Variants in ITGA11 observed in about 807,000 individuals in gnomAD.
ITGA11 encodes integrin alpha-11.
ITGA11 carries 97 observed loss-of-function variants against 141.9 expected under a neutral mutation model. That is an observed-to-expected ratio of 0.68 (90% CI 0.58 to 0.81). ITGA11 has a LOEUF of 0.81. Among genes scored for constraint, ITGA11 ranks in the 30% least tolerant of loss-of-function variants. ITGA11 has a pLI of 0.00. For synonymous variants in ITGA11, 658 were observed against 624.6 expected, an observed-to-expected ratio of 1.05 and a Z score of -0.80; for missense variants, 1,387 against 1,559.2, an observed-to-expected ratio of 0.89 and a Z score of 1.86.
chr15:68,396,299 A>T (rs1277541197), intron 2 of ITGA11, among the ~76,000 whole-genome samples: 3 of 152,146 alleles, frequency 2.0e-5, no homozygotes, highest in Non-Finnish European at 4.4e-5. Flanking sequence ...AACCATATTA[A>T]CAGAATGAAG....
chr15:68,405,262 A>G (rs1273734864), intron 1 of ITGA11, among the ~76,000 whole-genome samples: 3 of 146,550 alleles, frequency 2.0e-5, no homozygotes, highest in Non-Finnish European at 4.4e-5. Context: ...GGGACCTTCA[A>G]GTAGGGATAT....
chr15:68,365,022 C>T (rs1895374052), intron 3 of ITGA11: 1 of 572,454 alleles, frequency 1.7e-6, no homozygotes, highest in Non-Finnish European at 2.2e-6. Flanking sequence ...AAACAACCTG[C>T]CCAAGGTCAC....
chr15:68,358,577 T>A lies in ITGA11; in HGVS notation c.481A>T (p.Thr161Ser). The A allele has an allele frequency of 6.2e-7, 1 of 1,611,454 alleles. No individual in the cohort carries two copies. The highest frequency in any genetic ancestry group is 8.5e-7 in the Non-Finnish European group (1 of 1,179,124). ...AGGACAATGACGATGTCCATGTAGG[T>A]CTGGCACCCTGGAAAGTGGGGACAC... ...TVAPALQRCQ[T>S]YMDIVIVLDG... Residue 161 changes from threonine (T) to serine (S), a missense_variant, in exon 6 of 30, where the codon ACC (threonine) becomes TCC (serine). Transcript: ENST00000315757.
Position 68,301,045 on chromosome 15 carries a change from T to C in ITGA11, c.*2014A>G, listed in dbSNP as rs1032949916. 1 of 152,218 alleles carries C rather than the reference T, an allele frequency of 6.6e-6. No homozygotes were observed. The highest frequency in any genetic ancestry group is 2.4e-5 in the African/African-American group (1 of 41,454). 9.4% of individuals were successfully genotyped at this position (152,218 alleles called of 1,614,324 possible). A position where few individuals can be genotyped will look rare whatever the true frequency, so the allele number is the denominator to read the frequency against. On this transcript the variant is annotated 3_prime_UTR_variant, in exon 30 of 30. Coordinates refer to ENST00000315757, the MANE Select transcript of ITGA11 (RefSeq NM_001004439.2). The surrounding 1 kb of genome is among the most constrained non-coding windows in gnomAD (Gnocchi z 4.4). Reference sequence around the variant, plus strand: ...GGAAATGGAATATGATTTAGCAACATTTCCTTCTGATTCTATTAGAAGGCA... The same window carrying C: ...GGAAATGGAATATGATTTAGCAACACTTCCTTCTGATTCTATTAGAAGGCA...
At chr15:68,359,182 C>G (rs1450127501) in intron 5 of ITGA11, among the ~76,000 whole-genome samples, 1 of 152,190 alleles carries the variant, frequency 6.6e-6, no homozygotes, top group East Asian at 1.9e-4. Context: ...GGGCTGAGCA[C>G]AAAGCAAATG....
intron 7 of ITGA11, among the ~76,000 whole-genome samples, chr15:68,355,743 G>A (rs990305485): frequency 5.4e-5 from 8 of 148,864 alleles, no homozygotes; most frequent in African/African-American, 2.0e-4. Context: ...CACCGCACCT[G>A]GCCTAAATAG....
At chr15:68,370,754 C>A (rs1380583041) in intron 2 of ITGA11, among the ~76,000 whole-genome samples, 1 of 152,208 alleles carries the variant, frequency 6.6e-6, no homozygotes, top group East Asian at 1.9e-4. Context: ...ACAGGTTGGA[C>A]TTTCTGGAGC....
intron 5 of ITGA11, 142 bp from the exon 6 acceptor site, chr15:68,358,727 G>T: frequency 1.1e-6 from 1 of 932,658 alleles, no homozygotes. Context: ...TCCTTGGGTT[G>T]GACATTTATT....
rs1893852387 is a variant in ITGA11 at position 68,322,795 on chromosome 15, C to T, written c.2323-1292G>A. 6.6e-6 allele frequency among the ~76,000 whole-genome samples: 1 copy of T among 151,152 alleles called. No individual in the cohort carries two copies. Among genetic ancestry groups the T allele is most frequent in the Admixed American group, 6.6e-5 (1 of 15,148 alleles). On this transcript the variant is annotated intron_variant, in intron 18 of 29. Transcript: ENST00000315757. The surrounding 1 kb of genome is among the most constrained non-coding windows in gnomAD (Gnocchi z 5.6). Reference sequence around the variant, plus strand: ...AGAATTGCTTGAACTCAGGCAGAGGCTGCAGTGGGCCAAGATCGTGCCACT... The same window carrying T: ...AGAATTGCTTGAACTCAGGCAGAGGTTGCAGTGGGCCAAGATCGTGCCACT...
chr15:68,396,619 A>G (rs1024622893), intron 2 of ITGA11, among the ~76,000 whole-genome samples: 1 of 151,580 alleles, frequency 6.6e-6, no homozygotes, highest in East Asian at 1.9e-4. Flanking sequence ...TTGGAAAATA[A>G]TAAACAAAAC....
At chr15:68,310,964 A>G (rs745745998) in intron 26 of ITGA11, 30 bp downstream of exon 26, 59 of 1,551,980 alleles carry the variant, frequency 3.8e-5, no homozygotes, top group Non-Finnish European at 4.7e-5. Context: ...AACCCCAACC[A>G]CTGTGGCTCT....
chr15:68,335,882 T>A lies in ITGA11; in HGVS notation c.1277-37A>T, dbSNP rs563980492. The A allele has an allele frequency of 6.9e-6, 11 of 1,598,992 alleles. No homozygotes were observed. The Admixed American group carries it at 6.9e-5, about 10-fold the overall frequency. ...GGAAACAGGCTGATCTTTGGCACCG[T>A]GTCCTCAGCAGGCGTTGCTTGGCCC... On this transcript the variant is annotated intron_variant, in intron 11 of 29. Transcript: ENST00000315757. This position sits in a 1 kb window ranked among gnomAD's most constrained non-coding sequence, Gnocchi z 4.9.
Position 68,386,590 on chromosome 15 carries a change from C to T in ITGA11, c.164+16328G>A, listed in dbSNP as rs1895990630. ...TTTTTCCCAAGAGAAGCTTCTATTTCCCATTAGGACACCCCAGGATTCAGG... is the reference window on the plus strand; with the variant it reads ...TTTTTCCCAAGAGAAGCTTCTATTTTCCATTAGGACACCCCAGGATTCAGG... On this transcript the variant is annotated intron_variant, in intron 2 of 29. Transcript: ENST00000315757. 2.0e-5 allele frequency among the ~76,000 whole-genome samples: 3 copies of T among 152,160 alleles called. No homozygotes were observed. The South Asian group carries it at 6.2e-4, about 32-fold the overall frequency.
chr15:68,361,442 G>T, intron 5 of ITGA11, 148 bp downstream of exon 5: 1 of 606,856 alleles, frequency 1.6e-6, no homozygotes, highest in Non-Finnish European at 3.0e-6. Flanking sequence ...AGAGTGGAGT[G>T]ATACATTCCA....
In ITGA11 at chr15:68,332,460, TC is replaced by T; in HGVS notation, c.1443del (p.Ser482ValfsTer13). 2 of 1,612,284 alleles carry T rather than the reference TC, an allele frequency of 1.2e-6. No individual in the cohort carries two copies. The highest frequency in any genetic ancestry group is 1.7e-6 in the Non-Finnish European group (2 of 1,179,300). ...MRGQQIGSYF[G>X]SEITSVDIDG... The stretch of plus-strand genomic sequence containing the variant: ...TCGATGTCCACCGAGGTGATTTCAC[TC>T]CCAAAGTAAGAGCCTATCTGCGGCA... On this transcript the variant is annotated frameshift_variant, in exon 13 of 30. Coordinates refer to ENST00000315757, the MANE Select transcript of ITGA11 (RefSeq NM_001004439.2). LOFTEE classifies it high-confidence loss of function.
intron 7 of ITGA11, among the ~76,000 whole-genome samples, chr15:68,355,131 C>T (rs1895030264): frequency 6.6e-6 from 1 of 152,192 alleles, no homozygotes. Flanking sequence ...TAGCTTCACA[C>T]TGAGAAAGTG....
At chr15:68,366,842 G>A (rs1320193019) in intron 3 of ITGA11, among the ~76,000 whole-genome samples, 1 of 152,186 alleles carries the variant, frequency 6.6e-6, no homozygotes, top group Non-Finnish European at 1.5e-5. Context: ...CTTTATCCAG[G>A]TGTTGGAAGG....
intron 14 of ITGA11, 126 bp downstream of exon 14, chr15:68,331,733 T>C: frequency 1.2e-6 from 1 of 828,598 alleles, no homozygotes; most frequent in Non-Finnish European, 1.9e-6. Context: ...CCAGGACAGA[T>C]TGGCATCCGT....
Position 68,350,608 on chromosome 15 carries a change from A to G in ITGA11, c.1060+9T>C. ...GAGAGTGGATCCCCTCTTAGCATGC[A>G]TTGCTTACCTTCCAGGCTGAAGATT... On this transcript the variant is annotated intron_variant, in intron 9 of 29. Coordinates refer to ENST00000315757, the MANE Select transcript of ITGA11 (RefSeq NM_001004439.2). 1 of 1,611,418 alleles carries G rather than the reference A, an allele frequency of 6.2e-7. No individual in the cohort carries two copies. Among genetic ancestry groups the G allele is most frequent in the South Asian group, 1.1e-5 (1 of 90,706 alleles).
Sources: gnomAD v4.1 joint callset for allele counts (sites outside exome capture counted in the v4.1 genomes callset) on GRCh38, gnomAD v4.1.1 for gene constraint, Gnocchi (gnomAD v3.1) non-coding constraint, MANE v1.5 for transcripts, NCBI Gene and HGNC (gene_info 2026-07-23, HGNC 2026-07-21) for gene names.